The following GABRA2 variants were observed in gnomAD, a reference collection of about 807,000 sequenced individuals.
GABRA2 encodes the protein gamma-aminobutyric acid receptor subunit alpha-2.
Under a neutral mutation model 48.7 loss-of-function variants are expected in GABRA2, and 16 were observed. That is an observed-to-expected ratio of 0.33 (90% CI 0.22 to 0.50). The LOEUF is 0.50. Among genes scored for constraint, GABRA2 ranks in the 20% least tolerant of loss-of-function variants. GABRA2 has a pLI of 0.98. For missense variants in GABRA2, 275 were observed against 535.6 expected, an observed-to-expected ratio of 0.51 and a Z score of 4.80; for synonymous variants, 185 against 184.5, an observed-to-expected ratio of 1.00 and a Z score of -0.02.
Position 46,279,896 on chromosome 4 carries a change from C to T in GABRA2, c.857-17768G>A, listed in dbSNP as rs957207284. 3.3e-5 allele frequency among the ~76,000 whole-genome samples: 5 copies of T among 151,986 alleles called. No homozygotes were observed. The East Asian group carries it at 7.8e-4, about 24-fold the overall frequency. ...TATAGTGGAAACGGAAATTGCATTCCACTACTTATAGATTATATAAGTAGT... is the reference window on the plus strand; with the variant it reads ...TATAGTGGAAACGGAAATTGCATTCTACTACTTATAGATTATATAAGTAGT... On this transcript the variant is annotated intron_variant, in intron 8 of 9. Coordinates refer to ENST00000381620, the MANE Select transcript of GABRA2 (RefSeq NM_000807.4).
rs116280271 is a variant in GABRA2, at chr4:46,286,710, C to T, written c.856+16750G>A. On this transcript the variant is annotated intron_variant, in intron 8 of 9. Transcript: ENST00000381620. The stretch of plus-strand genomic sequence containing the variant: ...TTCCTTAATGACCAGTAGTATTGTA[C>T]ATAATTTCATGTGCTTATATGTCAG... Among the ~76,000 whole-genome samples the T allele has an allele frequency of 7.5e-3, 1,147 of 152,138 alleles. 14 individuals are homozygous for T. Among genetic ancestry groups the T allele is most frequent in the African/African-American group, 0.026 (1,078 of 41,524 alleles).
At position 46,250,083 on chromosome 4, in the gene GABRA2, A is replaced by G; in HGVS notation, c.*225T>C. Reference sequence around the variant, plus strand: ...CACTTTAAATCAGGTCCTAGGGTAAATCTTTAAAAAAGGCAATGGCTGTTT... The same window carrying G: ...CACTTTAAATCAGGTCCTAGGGTAAGTCTTTAAAAAAGGCAATGGCTGTTT... On this transcript the variant is annotated 3_prime_UTR_variant, in exon 10 of 10. Coordinates refer to ENST00000381620, the MANE Select transcript of GABRA2 (RefSeq NM_000807.4). 4.2e-6 allele frequency: 2 copies of G among 471,830 alleles called. No individual in the cohort carries two copies. The highest frequency in any genetic ancestry group is 6.9e-5 in the South Asian group (2 of 29,080). The allele number at this position is 471,830 out of a possible 1,614,324, so 29.2% of individuals were successfully genotyped here. A position where few individuals can be genotyped will look rare whatever the true frequency, so the allele number is the denominator to read the frequency against.
At chr4:46,359,676 T>C (rs1004656412) in intron 3 of GABRA2, among the ~76,000 whole-genome samples, 4 of 151,996 alleles carry the variant, frequency 2.6e-5, no homozygotes, top group Non-Finnish European at 5.9e-5. Context: ...ACTTAAAGAA[T>C]TGTAACCGAG....
At chr4:46,301,077 G>A (rs188387605) in intron 8 of GABRA2, among the ~76,000 whole-genome samples, 4 of 152,168 alleles carry the variant, frequency 2.6e-5, no homozygotes, top group African/African-American at 7.2e-5. Flanking sequence ...AGCTAACAAT[G>A]TATTGTCTTC....
rs1446063901 is a variant in GABRA2, at chr4:46,249,755, T to C, written c.*553A>G. The C allele has an allele frequency of 1.3e-5, 2 of 151,974 alleles. No individual in the cohort carries two copies. The highest frequency in any genetic ancestry group is 4.8e-5 in the African/African-American group (2 of 41,368). 9.4% of individuals were successfully genotyped at this position (151,974 alleles called of 1,614,324 possible). On this transcript the variant is annotated 3_prime_UTR_variant, in exon 10 of 10. Transcript: ENST00000381620. ...TCATGCTGTAATATGTACATGGCTA[T>C]AGATACTATATAGAGTAATTCATAG...
chr4:46,301,391 T>A (rs180857749), intron 8 of GABRA2, among the ~76,000 whole-genome samples: 2 of 152,238 alleles, frequency 1.3e-5, no homozygotes, highest in African/African-American at 2.4e-5. Context: ...GCTTTAGACA[T>A]GTTATGGTCC....
intron 3 of GABRA2, among the ~76,000 whole-genome samples, chr4:46,375,120 C>T (rs1361998122): frequency 6.6e-6 from 1 of 151,958 alleles, no homozygotes; most frequent in Non-Finnish European, 1.5e-5. Context: ...GCAAAACTAC[C>T]ACTAATGCTA....
intron 3 of GABRA2, among the ~76,000 whole-genome samples, chr4:46,374,594 A>T (rs1345857881): frequency 2.6e-5 from 4 of 152,156 alleles, no homozygotes; most frequent in Admixed American, 2.6e-4. Context: ...ACTACCCATT[A>T]TATCGAAATA....
At chr4:46,261,568 GC>G in intron 9 of GABRA2, 1 of 350,964 alleles carries the variant, frequency 2.8e-6, no homozygotes, top group Non-Finnish European at 5.2e-6. Flanking sequence ...AGTTGTGTAA[GC>G]TTGGGCAAGA....
chr4:46,321,055 G>A (rs1315127696), intron 4 of GABRA2, among the ~76,000 whole-genome samples: 1 of 151,802 alleles, frequency 6.6e-6, no homozygotes, highest in Non-Finnish European at 1.5e-5. Context: ...CTTAGAAAAG[G>A]AGATCCCATC....
intron 3 of GABRA2, among the ~76,000 whole-genome samples, chr4:46,359,219 T>C (rs1287653583): frequency 1.3e-5 from 2 of 152,284 alleles, no homozygotes; most frequent in South Asian, 2.1e-4. Context: ...AGGGAGATAC[T>C]CTTAAACTAA....
chr4:46,388,749 CACT>C, intron 1 of GABRA2, 33 bp from the exon 2 acceptor site: 11 of 1,612,460 alleles, frequency 6.8e-6, no homozygotes, highest in African/African-American at 1.3e-5. Context: ...AAACAAAATA[CACT>C]TAAAATTGCC....
At chr4:46,305,543 T>C (rs746042764) in intron 7 of GABRA2, 25 bp downstream of exon 7, 8 of 1,605,518 alleles carry the variant, frequency 5.0e-6, no homozygotes, top group Admixed American at 3.4e-5. Flanking sequence ...AGGCACCAGC[T>C]TTTTTAAAGA....
chr4:46,379,556 G>A (rs1018252048), intron 3 of GABRA2, among the ~76,000 whole-genome samples: 6 of 152,176 alleles, frequency 3.9e-5, no homozygotes, highest in African/African-American at 1.2e-4. Context: ...CCTTTAGGGA[G>A]CCTAGTGGGT....
intron 8 of GABRA2, among the ~76,000 whole-genome samples, chr4:46,268,425 A>G (rs1560453264): frequency 1.3e-5 from 2 of 151,960 alleles, no homozygotes; most frequent in Non-Finnish European, 2.9e-5. Context: ...TTAATAGTTG[A>G]CAGATACATG....
intron 3 of GABRA2, among the ~76,000 whole-genome samples, chr4:46,333,353 T>C (rs1300916859): frequency 6.6e-6 from 1 of 152,086 alleles, no homozygotes; most frequent in Non-Finnish European, 1.5e-5. Flanking sequence ...TGGATTGCTC[T>C]ATCAACCAGG....
chr4:46,289,592 G>A (rs549965040), intron 8 of GABRA2, among the ~76,000 whole-genome samples: 6 of 152,164 alleles, frequency 3.9e-5, no homozygotes, highest in African/African-American at 1.2e-4. Flanking sequence ...AAAAAATAAC[G>A]AATAGGTACT....
chr4:46,297,476 CATATATATATATATATATATATATAT>C (rs56201706), intron 8 of GABRA2, among the ~76,000 whole-genome samples: 13 of 87,898 alleles, frequency 1.5e-4, no homozygotes, highest in African/African-American at 2.9e-4. Context: ...AATAAAATCC[CATATATATATATATATATATATATAT>C]ATATATATAT....
intron 8 of GABRA2, among the ~76,000 whole-genome samples, chr4:46,292,938 A>C (rs1439453204): frequency 6.6e-6 from 1 of 152,116 alleles, no homozygotes; most frequent in Non-Finnish European, 1.5e-5. Flanking sequence ...TCAACTACAA[A>C]ATTTAAATAT....
Sources: allele counts gnomAD v4.1 joint callset (sites outside exome capture counted in the v4.1 genomes callset), GRCh38; gene constraint gnomAD v4.1.1; transcripts MANE v1.5; gene names NCBI Gene and HGNC (gene_info 2026-07-23, HGNC 2026-07-21).